CYFIP2: variants seen among roughly 807,000 people sequenced by gnomAD.
The protein encoded by CYFIP2 is cytoplasmic FMR1 interacting protein 2, also known as cytoplasmic FMR1-interacting protein 2.
In CYFIP2, 29 loss-of-function variants were observed where a neutral mutation model predicts 158.7. The ratio of observed to expected loss-of-function variants is 0.18; its 90% CI spans 0.14 to 0.25. The LOEUF (loss-of-function observed/expected upper bound fraction) is 0.25, where lower values mean the gene tolerates loss of function less well. Ranked by LOEUF, CYFIP2 falls within the 10% of genes least tolerant of loss-of-function variation. The pLI is 1.00. For synonymous variants in CYFIP2, 585 were observed against 617.6 expected, an observed-to-expected ratio of 0.95 and a Z score of 0.78; for missense variants, 852 against 1,639.5, an observed-to-expected ratio of 0.52 and a Z score of 8.29.
At chr5:157,268,302 A>G (rs1455063533) in intron 1 of CYFIP2, among the ~76,000 whole-genome samples, 1 of 152,254 alleles carries the variant, frequency 6.6e-6, no homozygotes, top group Non-Finnish European at 1.5e-5. Context: ...TGCTTTAGGC[A>G]TTAGGCCAAG....
At chr5:157,272,246 GT>G in intron 1 of CYFIP2, among the ~76,000 whole-genome samples, 1 of 152,190 alleles carries the variant, frequency 6.6e-6, no homozygotes, top group Non-Finnish European at 1.5e-5. Flanking sequence ...CTGACTGCAG[GT>G]CCCCTGTGTG....
At chr5:157,327,144 C>T (rs1194552214) in intron 18 of CYFIP2, among the ~76,000 whole-genome samples, 2 of 152,156 alleles carry the variant, frequency 1.3e-5, no homozygotes, top group Non-Finnish European at 2.9e-5. Flanking sequence ...ATTATCTTCC[C>T]ACCTGAGCAT....
intron 13 of CYFIP2, among the ~76,000 whole-genome samples, chr5:157,318,982 G>A (rs1351619838): frequency 6.6e-6 from 1 of 152,210 alleles, no homozygotes; most frequent in Non-Finnish European, 1.5e-5. Flanking sequence ...CATTAAACTT[G>A]CCACTAGGTA....
chr5:157,344,173 ATT>A (rs1762510496), intron 23 of CYFIP2, among the ~76,000 whole-genome samples: 1 of 152,120 alleles, frequency 6.6e-6, no homozygotes, highest in South Asian at 2.1e-4. Flanking sequence ...GTACCAGGAA[ATT>A]TATTTTATGG....
In CYFIP2 at chr5:157,296,791, A is replaced by G. The variant is rs1315105817; in HGVS notation, c.387+17A>G. 3 of 1,603,044 alleles carry G rather than the reference A, an allele frequency of 1.9e-6. No individual in the cohort carries two copies. The highest frequency in any genetic ancestry group is 2.6e-6 in the Non-Finnish European group (3 of 1,171,258). On this transcript the variant is annotated intron_variant, in intron 5 of 30. Transcript: ENST00000620254. The stretch of plus-strand genomic sequence containing the variant: ...TATTTTCAGGTGAGTGGGGAGGGGC[A>G]GGTCTGCATCTGGAGAACTGAAAAG...
At chr5:157,309,694 C>T (rs779546541) in intron 9 of CYFIP2, 49 bp from the exon 10 acceptor site, 2 of 1,545,648 alleles carry the variant, frequency 1.3e-6, no homozygotes, top group Non-Finnish European at 1.8e-6. Context: ...AAGGCAGCCA[C>T]CCCAACCCCT....
At chr5:157,275,499 G>A (rs1259879040) in intron 1 of CYFIP2, among the ~76,000 whole-genome samples, 1 of 152,118 alleles carries the variant, frequency 6.6e-6, no homozygotes, top group East Asian at 1.9e-4. Context: ...TTTAATCATT[G>A]TTCATTGTCT....
At chr5:157,315,131 A>G (rs752622188) in intron 13 of CYFIP2, 37 bp downstream of exon 13, 1 of 1,610,610 alleles carries the variant, frequency 6.2e-7, no homozygotes, top group Non-Finnish European at 8.5e-7. Context: ...TCCCTCCCCA[A>G]GGCTGCAGCT....
In CYFIP2 at chr5:157,361,397, C is replaced by T; in HGVS notation, c.2909-71C>T. On this transcript the variant is annotated intron_variant, in intron 25 of 30. Transcript: ENST00000620254. This position sits in a 1 kb window ranked among gnomAD's most constrained non-coding sequence, Gnocchi z 4.4. ...CAGAGTCAGGTCTGGGGCTGCCACTCAGTCATTGTTTCCCATAGACCCTAC... is the reference window on the plus strand; with the variant it reads ...CAGAGTCAGGTCTGGGGCTGCCACTTAGTCATTGTTTCCCATAGACCCTAC... 1 of 1,603,118 alleles carries T rather than the reference C, an allele frequency of 6.2e-7. No individual in the cohort carries two copies. Among genetic ancestry groups the T allele is most frequent in the Non-Finnish European group, 8.5e-7 (1 of 1,173,190 alleles).
intron 26 of CYFIP2, 33 bp from the exon 27 acceptor site, chr5:157,382,557 T>C (rs745818309): frequency 5.6e-6 from 9 of 1,611,140 alleles, no homozygotes; most frequent in Non-Finnish European, 8.5e-7. Flanking sequence ...AAAATGAAAA[T>C]TGTTTTCTCT....
At chr5:157,325,726 G>T in intron 17 of CYFIP2, 88 bp downstream of exon 17, 1 of 1,384,304 alleles carries the variant, frequency 7.2e-7, no homozygotes. Context: ...CCAGAAGGAA[G>T]CACTGAGTTG....
chr5:157,304,133 C>A, intron 7 of CYFIP2, 105 bp from the exon 8 acceptor site: 2 of 1,389,400 alleles, frequency 1.4e-6, no homozygotes, highest in Non-Finnish European at 9.6e-7. Context: ...TGATTCCTGG[C>A]CATCAGCGGG....
chr5:157,272,048 G>T (rs1298260732), intron 1 of CYFIP2, among the ~76,000 whole-genome samples: 2 of 152,186 alleles, frequency 1.3e-5, no homozygotes, highest in Non-Finnish European at 2.9e-5. Context: ...AGCCTGGTTT[G>T]GTGTCACCAC....
intron 21 of CYFIP2, among the ~76,000 whole-genome samples, chr5:157,336,225 T>TGG (rs34356512): frequency 2.0e-5 from 3 of 152,174 alleles, no homozygotes; most frequent in Non-Finnish European, 4.4e-5. Flanking sequence ...TGCAAAGATT[T>TGG]GGGGAGTTAG....
At position 157,394,303 on chromosome 5, in the gene CYFIP2, C is replaced by A. The variant is rs902103738; in HGVS notation, c.*1303C>A. ...ATAAATTTCATGTTACAGAGCATGTCATTGTCAAAGGAAATCTGTGGCCCT... is the reference window on the plus strand; with the variant it reads ...ATAAATTTCATGTTACAGAGCATGTAATTGTCAAAGGAAATCTGTGGCCCT... On this transcript the variant is annotated 3_prime_UTR_variant, in exon 31 of 31. Coordinates refer to ENST00000620254, the MANE Select transcript of CYFIP2 (RefSeq NM_001037333.3). 3 of 152,290 alleles carry A rather than the reference C, an allele frequency of 2.0e-5. No individual in the cohort carries two copies. Among genetic ancestry groups the A allele is most frequent in the African/African-American group, 7.2e-5 (3 of 41,554 alleles). The allele number at this position is 152,290 out of a possible 1,614,324, so 9.4% of individuals were successfully genotyped here. A position where few individuals can be genotyped will look rare whatever the true frequency, so the allele number is the denominator to read the frequency against.
chr5:157,313,206 C>T (rs1486272370), intron 11 of CYFIP2, among the ~76,000 whole-genome samples: 2 of 152,212 alleles, frequency 1.3e-5, no homozygotes, highest in Non-Finnish European at 2.9e-5. Flanking sequence ...CCCTGTGAGC[C>T]TCTGGTCACA....
rs185731599 is a variant in CYFIP2 at position 157,307,026 on chromosome 5, C to T, written c.796-735C>T. Among the ~76,000 whole-genome samples the T allele has an allele frequency of 3.3e-5, 5 of 152,286 alleles. No homozygotes were observed. In the East Asian group the frequency reaches 9.6e-4, roughly 29 times the overall value. ...ACTTTCTCATGGTCACACAGCTGCT[C>T]AGGCCCCCTTCTGCATACATGTTAA... On this transcript the variant is annotated intron_variant, in intron 8 of 30. Coordinates refer to ENST00000620254, the MANE Select transcript of CYFIP2 (RefSeq NM_001037333.3).
intron 8 of CYFIP2, among the ~76,000 whole-genome samples, chr5:157,305,993 A>G (rs1759186935): frequency 6.6e-6 from 1 of 152,292 alleles, no homozygotes; most frequent in East Asian, 1.9e-4. Context: ...CCATTATTCC[A>G]TTGTTAGCTT....
At chr5:157,347,886 C>G (rs1762806482) in intron 23 of CYFIP2, among the ~76,000 whole-genome samples, 1 of 152,224 alleles carries the variant, frequency 6.6e-6, no homozygotes, top group African/African-American at 2.4e-5. Context: ...GGGTGGGGCC[C>G]CAGACTCGGA....
Sources: gnomAD v4.1 joint callset for allele counts (sites outside exome capture counted in the v4.1 genomes callset) on GRCh38, gnomAD v4.1.1 for gene constraint, Gnocchi (gnomAD v3.1) non-coding constraint, MANE v1.5 for transcripts, NCBI Gene and HGNC (gene_info 2026-07-23, HGNC 2026-07-21) for gene names.